The following MAGI1 variants were observed in gnomAD, a reference collection of about 807,000 sequenced individuals.
MAGI1 encodes membrane associated guanylate kinase, WW and PDZ domain containing 1.
Under a neutral mutation model 139.9 loss-of-function variants are expected in MAGI1, and 58 were observed. The observed-to-expected ratio is 0.41, with a 90% CI of 0.34 to 0.52. MAGI1 has a LOEUF of 0.52. Ranked by LOEUF, MAGI1 falls within the 20% of genes least tolerant of loss-of-function variation. MAGI1 has a pLI of 0.12. For missense variants in MAGI1, 1,874 were observed against 1,901.6 expected (o/e 0.99, Z 0.27); for synonymous variants, 812 against 737.9 (o/e 1.10, Z -1.63).
intron 1 of MAGI1, among the ~76,000 whole-genome samples, chr3:65,947,141 C>G (rs935685901): frequency 1.3e-5 from 2 of 152,126 alleles, no homozygotes; most frequent in Admixed American, 1.3e-4. Flanking sequence ...TAAAATAACT[C>G]CCGAGCTTGT....
intron 2 of MAGI1, among the ~76,000 whole-genome samples, chr3:65,502,012 T>C (rs2077100098): frequency 6.6e-6 from 1 of 152,166 alleles, no homozygotes; most frequent in African/African-American, 2.4e-5. Flanking sequence ...CAAGCAGTGG[T>C]TACCAGCTAT....
At chr3:65,881,468 T>C (rs908774055) in intron 1 of MAGI1, among the ~76,000 whole-genome samples, 1 of 151,842 alleles carries the variant, frequency 6.6e-6, no homozygotes, top group Non-Finnish European at 1.5e-5. Context: ...CTCTAAAAAA[T>C]TTTTTGTAAT....
intron 1 of MAGI1, among the ~76,000 whole-genome samples, chr3:66,005,630 G>A (rs915936277): frequency 2.0e-5 from 3 of 152,050 alleles, no homozygotes; most frequent in Non-Finnish European, 2.9e-5. Flanking sequence ...TATACATATT[G>A]AGGCCATCAG....
intron 1 of MAGI1, among the ~76,000 whole-genome samples, chr3:66,024,315 T>TA (rs34593257): frequency 0.012 from 1,172 of 95,706 alleles, 12 homozygotes; most frequent in East Asian, 0.028. Flanking sequence ...CAAAGTTCAT[T>TA]AAAAAAAAAA....
chr3:65,583,906 C>T (rs942998604), intron 2 of MAGI1, among the ~76,000 whole-genome samples: 1 of 152,044 alleles, frequency 6.6e-6, no homozygotes, highest in Non-Finnish European at 1.5e-5. Context: ...CTCTACTAGT[C>T]TTTCAAAGGT....
At chr3:65,476,270 C>T (rs1182979320) in intron 4 of MAGI1, among the ~76,000 whole-genome samples, 1 of 152,198 alleles carries the variant, frequency 6.6e-6, no homozygotes, top group Non-Finnish European at 1.5e-5. Context: ...GAAGAGGTCC[C>T]ATCACGTGCA....
At chr3:65,660,184 G>A (rs2086115753) in intron 1 of MAGI1, among the ~76,000 whole-genome samples, 1 of 152,184 alleles carries the variant, frequency 6.6e-6, no homozygotes, top group South Asian at 2.1e-4. Context: ...TGAGGTAAAA[G>A]TTCATTGACT....
chr3:65,917,241 C>A (rs537248709), intron 1 of MAGI1, among the ~76,000 whole-genome samples: 1 of 152,278 alleles, frequency 6.6e-6, no homozygotes, highest in East Asian at 1.9e-4. Flanking sequence ...ATAAAACCAA[C>A]AATGAGATAC....
chr3:65,835,095 G>T lies in MAGI1; in HGVS notation c.313+202901C>A, dbSNP rs73136969. ...ATTTGCTTTTAATAAAATTGTTAAT[G>T]TGTTAGGTCTTAAGGTTTTTATTCT... On this transcript the variant is annotated intron_variant, in intron 1 of 22. Transcript: ENST00000402939. Among the ~76,000 whole-genome samples, 1,368 of 152,280 alleles carry T rather than the reference G, an allele frequency of 9.0e-3. 17 individuals are homozygous for T. Among genetic ancestry groups the T allele is most frequent in the Middle Eastern group, 0.014 (4 of 294 alleles).
chr3:65,847,336 C>G (rs766800334), intron 1 of MAGI1, among the ~76,000 whole-genome samples: 4 of 151,938 alleles, frequency 2.6e-5, no homozygotes, highest in Non-Finnish European at 5.9e-5. Context: ...ATGGAAATAC[C>G]CTAGCTAGGT....
intron 5 of MAGI1, among the ~76,000 whole-genome samples, chr3:65,461,618 A>G (rs981950997): frequency 6.6e-6 from 1 of 150,458 alleles, no homozygotes; most frequent in Non-Finnish European, 1.5e-5. Context: ...CCTCCCGAGT[A>G]GCTGGGACTA....
chr3:65,593,567 A>G (rs924524397), intron 2 of MAGI1, among the ~76,000 whole-genome samples: 2 of 152,126 alleles, frequency 1.3e-5, no homozygotes, highest in Non-Finnish European at 2.9e-5. Context: ...AAACAAACTT[A>G]TGTTTCATTT....
intron 1 of MAGI1, among the ~76,000 whole-genome samples, chr3:66,026,684 G>A (rs538529847): frequency 2.0e-5 from 3 of 151,956 alleles, no homozygotes; most frequent in South Asian, 2.1e-4. Context: ...GAGGGCACAC[G>A]GGAGGAAAGA....
At chr3:65,800,806 T>C (rs2040467389) in intron 1 of MAGI1, among the ~76,000 whole-genome samples, 3 of 152,226 alleles carry the variant, frequency 2.0e-5, no homozygotes, top group South Asian at 2.1e-4. Context: ...ATTTTTCTCA[T>C]ATATTTTCTT....
chr3:65,963,842 T>C (rs932700487), intron 1 of MAGI1, among the ~76,000 whole-genome samples: 1 of 152,238 alleles, frequency 6.6e-6, no homozygotes, highest in Non-Finnish European at 1.5e-5. Context: ...TTTGGCACAA[T>C]GCCAGGGATA....
intron 1 of MAGI1, among the ~76,000 whole-genome samples, chr3:65,634,391 T>C (rs115412529): frequency 4.5e-4 from 68 of 152,362 alleles, no homozygotes; most frequent in Middle Eastern, 3.4e-3. Flanking sequence ...GCTGGTGCTG[T>C]AGAAATTTGT....
At chr3:65,818,437 T>C (rs1379228118) in intron 1 of MAGI1, among the ~76,000 whole-genome samples, 1 of 151,860 alleles carries the variant, frequency 6.6e-6, no homozygotes, top group African/African-American at 2.4e-5. Context: ...CAGCGTGCAG[T>C]CAGAACAAAT....
At chr3:65,669,935 C>A (rs2086754595) in intron 1 of MAGI1, among the ~76,000 whole-genome samples, 1 of 152,162 alleles carries the variant, frequency 6.6e-6, no homozygotes, top group Non-Finnish European at 1.5e-5. Flanking sequence ...TGTGGATGGT[C>A]TGCCACTGTG....
Position 65,391,316 on chromosome 3 carries a change from T to C in MAGI1, c.2242A>G (p.Ser748Gly), listed in dbSNP as rs769516378. 123 of 1,614,066 alleles carry C rather than the reference T, an allele frequency of 7.6e-5. No homozygotes were observed. Among genetic ancestry groups the C allele is most frequent in the Non-Finnish European group, 9.7e-5 (114 of 1,180,048 alleles). ...TGCAGGCTTCGGTGGCTGGAAACAC[T>C]GTGCTGAGAACTATTCTGGCTGTCT... is the stretch of plus-strand genomic sequence containing the variant. ...RKDSQNSSQH[S>G]VSSHRSLHTA... Residue 748 changes from serine (S) to glycine (G), a missense_variant, in exon 14 of 23, where the codon AGT becomes GGT. Coordinates refer to ENST00000402939, the MANE Select transcript of MAGI1 (RefSeq NM_001033057.2).
Sources: allele counts gnomAD v4.1 joint callset (sites outside exome capture counted in the v4.1 genomes callset), GRCh38; gene constraint gnomAD v4.1.1; transcripts MANE v1.5; gene names NCBI Gene and HGNC (gene_info 2026-07-23, HGNC 2026-07-21).